CNIH3: variants seen among roughly 807,000 people sequenced by gnomAD.
CNIH3 encodes protein cornichon homolog 3.
A neutral mutation model predicts 24.1 loss-of-function variants in CNIH3; 14 were observed. That is an observed-to-expected ratio of 0.58 (90% CI 0.38 to 0.91). The LOEUF is 0.91. Among genes scored for constraint, CNIH3 ranks in the 40% least tolerant of loss-of-function variants. The pLI is 0.00. For missense variants in CNIH3, 178 were observed against 196.8 expected, an observed-to-expected ratio of 0.90 and a Z score of 0.57; for synonymous variants, 68 against 73.8, an observed-to-expected ratio of 0.92 and a Z score of 0.40.
At chr1:224,477,393 C>T (rs1488113163) in intron 1 of CNIH3, among the ~76,000 whole-genome samples, 1 of 152,228 alleles carries the variant, frequency 6.6e-6, no homozygotes, top group Non-Finnish European at 1.5e-5. Flanking sequence ...GGAGATTCTT[C>T]TGCCTGCTTA....
chr1:224,628,324 A>G (rs553226247), intron 1 of CNIH3, among the ~76,000 whole-genome samples: 2 of 152,290 alleles, frequency 1.3e-5, no homozygotes, highest in South Asian at 4.1e-4. Context: ...TTAAGTGTAC[A>G]GCTTAATGGC....
intron 4 of CNIH3, among the ~76,000 whole-genome samples, chr1:224,734,221 G>A (rs1466852184): frequency 2.0e-5 from 3 of 152,200 alleles, no homozygotes; most frequent in Non-Finnish European, 4.4e-5. Context: ...TCCCAGCAGT[G>A]GTGGTATAGC....
chr1:224,625,919 C>T (rs1215748581), intron 1 of CNIH3, among the ~76,000 whole-genome samples: 1 of 151,944 alleles, frequency 6.6e-6, no homozygotes, highest in African/African-American at 2.4e-5. Context: ...ATAGCGATCC[C>T]ACTGCTATCT....
chr1:224,591,885 G>A (rs1167050241), downstream of CNIH3, among the ~76,000 whole-genome samples: 2 of 152,192 alleles, frequency 1.3e-5, no homozygotes, highest in African/African-American at 4.8e-5. Flanking sequence ...GTTGCAGAGT[G>A]TGAGAATTAA....
At chr1:224,635,482 T>C (rs1684043843) in intron 1 of CNIH3, among the ~76,000 whole-genome samples, 1 of 152,168 alleles carries the variant, frequency 6.6e-6, no homozygotes, top group Non-Finnish European at 1.5e-5. Context: ...GAGAAATGAC[T>C]GTAGGAACAG....
At chr1:224,568,962 T>C (rs984731100) in intron 4 of CNIH3, among the ~76,000 whole-genome samples, 6 of 152,034 alleles carry the variant, frequency 3.9e-5, no homozygotes, top group Non-Finnish European at 8.8e-5. Flanking sequence ...AACCTCCGCC[T>C]CCCAGGCTCA....
At chr1:224,710,971 G>C (rs1054028330) in intron 3 of CNIH3, among the ~76,000 whole-genome samples, 2 of 152,154 alleles carry the variant, frequency 1.3e-5, no homozygotes, top group African/African-American at 4.8e-5. Context: ...TGAGGGCCAA[G>C]GATATATCTT....
At chr1:224,572,627 A>G (rs2125002332) in intron 4 of CNIH3, among the ~76,000 whole-genome samples, 1 of 150,466 alleles carries the variant, frequency 6.6e-6, no homozygotes, top group Non-Finnish European at 1.5e-5. Flanking sequence ...ATTTTAGGAT[A>G]GGGTTTTTTT....
intron 1 of CNIH3, among the ~76,000 whole-genome samples, chr1:224,479,174 A>C (rs1410633206): frequency 3.3e-5 from 3 of 91,130 alleles, no homozygotes; most frequent in Non-Finnish European, 6.3e-5. Context: ...TTTTTTTGAG[A>C]CAGAGTTTCA....
At chr1:224,434,794 T>A in exon 1 of CNIH3, 3 of 986,506 alleles carry the variant, frequency 3.0e-6, no homozygotes, top group Non-Finnish European at 3.6e-6. Context: ...AGCTGCTGCC[T>A]AATGGAGTCC....
intron 1 of CNIH3, among the ~76,000 whole-genome samples, chr1:224,626,355 G>A (rs752147010): frequency 6.6e-6 from 1 of 152,180 alleles, no homozygotes; most frequent in Non-Finnish European, 1.5e-5. Context: ...AACTCTAAAT[G>A]CACAGCTAGA....
At chr1:224,588,827 C>T (rs1202846385), downstream of CNIH3, among the ~76,000 whole-genome samples, 1 of 151,562 alleles carries the variant, frequency 6.6e-6, no homozygotes, top group Admixed American at 6.6e-5. Context: ...AAAAAAAAGA[C>T]TTTGGATAAT....
chr1:224,449,126 G>A (rs1448744316), intron 1 of CNIH3, among the ~76,000 whole-genome samples: 2 of 151,706 alleles, frequency 1.3e-5, no homozygotes, highest in African/African-American at 2.4e-5. Context: ...CACCATGACC[G>A]GCTAATTTTT....
At chr1:224,462,897 C>CTTTT (rs71572901) in intron 1 of CNIH3, among the ~76,000 whole-genome samples, 21 of 73,412 alleles carry the variant, frequency 2.9e-4, no homozygotes, top group Non-Finnish European at 3.5e-4. Context: ...ATATGTTTAA[C>CTTTT]TTTTTTTTTT....
chr1:224,521,124 T>A (rs544254387), exon 2 of CNIH3: 1 of 152,110 alleles, frequency 6.6e-6, no homozygotes, highest in African/African-American at 2.4e-5. Flanking sequence ...AAACCTCCCC[T>A]CCACTTGGGA....
At chr1:224,688,792 G>C (rs563098859) in intron 3 of CNIH3, among the ~76,000 whole-genome samples, 1 of 151,934 alleles carries the variant, frequency 6.6e-6, no homozygotes, top group Non-Finnish European at 1.5e-5. Context: ...GGGCGTGGTG[G>C]TGGGCGCCTG....
upstream of CNIH3, among the ~76,000 whole-genome samples, chr1:224,511,314 C>G (rs1474831144): frequency 6.6e-6 from 1 of 152,192 alleles, no homozygotes; most frequent in Non-Finnish European, 1.5e-5. Context: ...CTGTAAAATA[C>G]TCCTCTATCT....
intron 4 of CNIH3, chr1:224,574,435 T>C: frequency 4.9e-6 from 3 of 609,056 alleles, no homozygotes; most frequent in Non-Finnish European, 5.9e-6. Flanking sequence ...GCAGCAGCCA[T>C]GGCCAGCCAC....
chr1:224,569,489 A>T (rs1400009186), intron 4 of CNIH3, among the ~76,000 whole-genome samples: 3 of 152,192 alleles, frequency 2.0e-5, no homozygotes, highest in Admixed American at 2.0e-4. Context: ...TTTTTCGATC[A>T]TTCTTGTATG....
Sources: allele counts gnomAD v4.1 joint callset (sites outside exome capture counted in the v4.1 genomes callset), GRCh38; gene constraint gnomAD v4.1.1; transcripts MANE v1.5; gene names NCBI Gene and HGNC (gene_info 2026-07-23, HGNC 2026-07-21).